Variants in DNAAF9 observed in about 807,000 individuals in gnomAD.
DNAAF9 encodes dynein axonemal assembly factor 9, also known as shulin.
Under a neutral mutation model 167.0 loss-of-function variants are expected in DNAAF9, and 90 were observed. That is an observed-to-expected ratio of 0.54 (90% CI 0.45 to 0.64). The LOEUF (loss-of-function observed/expected upper bound fraction) is 0.64. Among genes scored for constraint, DNAAF9 ranks in the 30% least tolerant of loss-of-function variants. The pLI is 0.00. For missense variants in DNAAF9, 1,315 were observed against 1,442.2 expected, an observed-to-expected ratio of 0.91 and a Z score of 1.43; for synonymous variants, 491 against 508.8, an observed-to-expected ratio of 0.96 and a Z score of 0.47.
intron 4 of DNAAF9, among the ~76,000 whole-genome samples, chr20:3,375,390 C>T (rs2083562487): frequency 6.6e-6 from 1 of 152,084 alleles, no homozygotes; most frequent in Non-Finnish European, 1.5e-5. Context: ...CAAAAAATTC[C>T]GCCAAATACT....
intron 10 of DNAAF9, among the ~76,000 whole-genome samples, chr20:3,339,092 A>T (rs1318719706): frequency 6.6e-6 from 1 of 152,116 alleles, no homozygotes; most frequent in Non-Finnish European, 1.5e-5. Flanking sequence ...CATTAAAGGT[A>T]TGCTTTGCTT....
At chr20:3,291,337 GTTTT>G (rs1221157879) in intron 25 of DNAAF9, among the ~76,000 whole-genome samples, 2 of 148,742 alleles carry the variant, frequency 1.3e-5, no homozygotes, top group South Asian at 2.2e-4. Context: ...GCCTCTGTAA[GTTTT>G]TTTGTTTTTT....
intron 22 of DNAAF9, 109 bp downstream of exon 22, chr20:3,297,920 C>T: frequency 1.2e-6 from 1 of 856,908 alleles, no homozygotes; most frequent in East Asian, 2.4e-5. Flanking sequence ...GCCCTCCTAA[C>T]TCTCCCTCTC....
chr20:3,340,433 T>TCCGGGGGGCCCCCCCCCCCCCC, intron 10 of DNAAF9, 71 bp downstream of exon 10: 1 of 221,214 alleles, frequency 4.5e-6, no homozygotes, highest in East Asian at 1.2e-4. Flanking sequence ...TTTGTCTAGC[T>TCCGGGGGGCCCCCCCCCCCCCC]CCCCCCACCC....
chr20:3,274,520 G>A (rs2068646369), intron 29 of DNAAF9, among the ~76,000 whole-genome samples: 1 of 152,194 alleles, frequency 6.6e-6, no homozygotes, highest in South Asian at 2.1e-4. Flanking sequence ...AGAGCCAGGT[G>A]AACCTGAGTT....
In DNAAF9 at chr20:3,252,294, A is replaced by G. The variant is rs973949380; in HGVS notation, c.*278T>C. 1.3e-5 allele frequency: 4 copies of G among 306,518 alleles called. No individual in the cohort carries two copies. Among genetic ancestry groups the G allele is most frequent in the Non-Finnish European group, 2.5e-5 (4 of 162,552 alleles). 19.0% of individuals were successfully genotyped at this position (306,518 alleles called of 1,614,324 possible). A position where few individuals can be genotyped will look rare whatever the true frequency, so the allele number is the denominator to read the frequency against. On this transcript the variant is annotated 3_prime_UTR_variant, in exon 37 of 37. Transcript: ENST00000252032. ...CCCAAAGGAGATCCTGTTATCAGAA[A>G]CCCAGAGCTCCTGGACTGCCAGTTG...
At position 3,298,044 on chromosome 20, in the gene DNAAF9, T is replaced by C. The variant is rs778246489; in HGVS notation, c.1914A>G (p.Gln638=). Residue 638 remains glutamine, a synonymous_variant, in exon 22 of 37, where the codon CAA becomes CAG. Transcript: ENST00000252032. ...IALFPKSKIY[Q]AFYSEVFSLW... is the part of the protein sequence containing the mutation. ...CTGATATTACCTCTGAGTAAAATGC[T>C]TGGTATATCTTCGATTTGGGGAAAA... 1.9e-6 allele frequency: 3 copies of C among 1,613,088 alleles called. No homozygotes were observed. The highest frequency in any genetic ancestry group is 4.5e-5 in the East Asian group (2 of 44,892).
chr20:3,284,649 C>A (rs2068820664), intron 27 of DNAAF9, among the ~76,000 whole-genome samples: 1 of 152,168 alleles, frequency 6.6e-6, no homozygotes, highest in Non-Finnish European at 1.5e-5. Flanking sequence ...AACAGATAAT[C>A]TATTCAAGTC....
In DNAAF9 at chr20:3,363,031, C is replaced by A. The variant is rs781523356; in HGVS notation, c.613-3438G>T. ...ATCACCTCAGGTCAGGAGTTCAAGA[C>A]CAGCCTGGCCAACATGGTGAAAGCC... On this transcript the variant is annotated intron_variant, in intron 6 of 36. Coordinates refer to ENST00000252032, the MANE Select transcript of DNAAF9 (RefSeq NM_001009984.3). Among the ~76,000 whole-genome samples the A allele has an allele frequency of 2.0e-4, 30 of 152,194 alleles. 1 individual carries two copies. The highest frequency in any genetic ancestry group is 4.6e-4 in the Admixed American group (7 of 15,300).
At chr20:3,346,013 T>C (rs2070185939) in intron 8 of DNAAF9, among the ~76,000 whole-genome samples, 1 of 151,916 alleles carries the variant, frequency 6.6e-6, no homozygotes, top group Admixed American at 6.6e-5. Context: ...AATATTAAAA[T>C]GGAAAAACAA....
intron 20 of DNAAF9, among the ~76,000 whole-genome samples, chr20:3,306,029 C>T (rs557869982): frequency 6.6e-6 from 1 of 152,200 alleles, no homozygotes; most frequent in Non-Finnish European, 1.5e-5. Flanking sequence ...ATGTTACTTT[C>T]ATTCCCCTAG....
intron 3 of DNAAF9, among the ~76,000 whole-genome samples, chr20:3,377,468 CTTT>C (rs111891802): frequency 1.4e-5 from 2 of 144,068 alleles, no homozygotes; most frequent in South Asian, 2.2e-4. Context: ...TGTTTTCTTT[CTTT>C]TTTTTTTTTT....
chr20:3,407,418 C>A, intron 1 of DNAAF9, 57 bp downstream of exon 1: 1 of 1,244,194 alleles, frequency 8.0e-7, no homozygotes, highest in South Asian at 2.8e-5. Flanking sequence ...CGTCGCCGGA[C>A]CCCGACAGCC....
At chr20:3,271,751 A>ACT (rs1250884462) in intron 29 of DNAAF9, among the ~76,000 whole-genome samples, 3 of 151,622 alleles carry the variant, frequency 2.0e-5, no homozygotes, top group Non-Finnish European at 4.4e-5. Flanking sequence ...CCTCCTAAGT[A>ACT]GCTGGGATTA....
rs79889733 is a variant in DNAAF9, at chr20:3,382,064, A to G, written c.163+363T>C. ...ATTAGAGACAAATAAAAAGGAAATT[A>G]AACAATACTGTCTTCACTACCATCT... is the stretch of plus-strand genomic sequence containing the variant. On this transcript the variant is annotated intron_variant, in intron 2 of 36. Coordinates refer to ENST00000252032, the MANE Select transcript of DNAAF9 (RefSeq NM_001009984.3). Among the ~76,000 whole-genome samples the G allele has an allele frequency of 4.1e-3, 622 of 152,288 alleles. 8 individuals carry two copies. Among genetic ancestry groups the G allele is most frequent in the African/African-American group, 0.014 (594 of 41,548 alleles).
At chr20:3,308,301 C>CTATA (rs1211175860) in intron 20 of DNAAF9, among the ~76,000 whole-genome samples, 1 of 150,640 alleles carries the variant, frequency 6.6e-6, no homozygotes, top group Non-Finnish European at 1.5e-5. Context: ...TAATATGCAG[C>CTATA]TATACAGTTC....
In DNAAF9 at chr20:3,255,219, G is replaced by T; in HGVS notation, c.3327C>A (p.His1109Gln). 1 of 1,547,250 alleles carries T rather than the reference G, an allele frequency of 6.5e-7. No homozygotes were observed. Among genetic ancestry groups the T allele is most frequent in the Non-Finnish European group, 8.7e-7 (1 of 1,143,116 alleles). Residue 1109 changes from histidine to glutamine, a missense_variant and splice_region_variant, in exon 35 of 37, where the codon CAC (histidine) becomes CAA (glutamine). By Grantham distance (24) the His-to-Gln change is conservative. Coordinates refer to ENST00000252032, the MANE Select transcript of DNAAF9 (RefSeq NM_001009984.3). ...MLTQQEIRSI[H>Q]VKRHLEPLPA... ...GGAGAAGCCAGGGCAAGGCACTCAC[G>T]TGGATGCTCCTGATCTCCTGTTGCG... is the stretch of plus-strand genomic sequence containing the variant.
chr20:3,256,743 C>G (rs1425669832), intron 33 of DNAAF9, among the ~76,000 whole-genome samples: 1 of 152,086 alleles, frequency 6.6e-6, no homozygotes, highest in Non-Finnish European at 1.5e-5. Flanking sequence ...CCACATAGTC[C>G]CTGGTGGTTG....
At chr20:3,364,520 C>G (rs1406182071) in intron 6 of DNAAF9, among the ~76,000 whole-genome samples, 3 of 152,016 alleles carry the variant, frequency 2.0e-5, no homozygotes, top group Non-Finnish European at 4.4e-5. Flanking sequence ...TACCCAGGGC[C>G]CAGTGAATTA....
Sources: allele counts gnomAD v4.1 joint callset (sites outside exome capture counted in the v4.1 genomes callset), GRCh38; gene constraint gnomAD v4.1.1; transcripts MANE v1.5; gene names NCBI Gene and HGNC (gene_info 2026-07-23, HGNC 2026-07-21).